The following TMEM45B variants were observed in gnomAD, a reference collection of about 807,000 sequenced individuals.
TMEM45B encodes transmembrane protein 45B.
TMEM45B carries 29 observed loss-of-function variants against 27.3 expected under a neutral mutation model. The ratio of observed to expected loss-of-function variants is 1.06; its 90% CI spans 0.79 to 1.45. TMEM45B has a LOEUF of 1.45. TMEM45B is among the 40% of genes most tolerant of loss of function. TMEM45B has a pLI of 0.00. For synonymous variants in TMEM45B, 143 were observed against 134.7 expected (o/e 1.06, Z -0.43); for missense variants, 348 against 343.9 (o/e 1.01, Z -0.09).
intron 5 of TMEM45B, 97 bp from the exon 6 acceptor site, chr11:129,858,477 A>G (rs2135618471): frequency 1.3e-6 from 1 of 764,554 alleles, no homozygotes; most frequent in Non-Finnish European, 2.1e-6. Flanking sequence ...TAGAAATATA[A>G]AGAAAATAGT....
intron 1 of TMEM45B, among the ~76,000 whole-genome samples, chr11:129,843,863 A>C (rs1044912840): frequency 1.3e-5 from 2 of 152,256 alleles, no homozygotes; most frequent in Non-Finnish European, 2.9e-5. Context: ...GAATTGGTAC[A>C]TCTATTATGG....
At chr11:129,847,577 G>T (rs371874466) in intron 1 of TMEM45B, among the ~76,000 whole-genome samples, 4,037 of 150,594 alleles carry the variant, frequency 0.027, 173 homozygotes, top group African/African-American at 0.093. Flanking sequence ...AGATTAGGGA[G>T]TGGTGATGAC....
At chr11:129,850,165 A>ACGTTGTTGT (rs1947827600) in intron 1 of TMEM45B, among the ~76,000 whole-genome samples, 1 of 138,870 alleles carries the variant, frequency 7.2e-6, no homozygotes, top group Non-Finnish European at 1.6e-5. Context: ...TTTTTTGTTG[A>ACGTTGTTGT]TGTTGTTGTT....
At chr11:129,818,117 T>G (rs1947374159) in intron 1 of TMEM45B, among the ~76,000 whole-genome samples, 1 of 152,234 alleles carries the variant, frequency 6.6e-6, no homozygotes, top group Non-Finnish European at 1.5e-5. Flanking sequence ...ACACTTTCTT[T>G]GAACTCTTAA....
At position 129,849,285 on chromosome 11, in the gene TMEM45B, G is replaced by A. The variant is rs183073390; in HGVS notation, c.-8-3190G>A. 3.3e-3 allele frequency among the ~76,000 whole-genome samples: 504 copies of A among 152,318 alleles called. 5 individuals carry two copies. Among genetic ancestry groups the A allele is most frequent in the African/African-American group, 0.011 (478 of 41,572 alleles). The stretch of plus-strand genomic sequence containing the variant: ...CAAATACAATGGCGTGACAGGCACA[G>A]GACAGATGTTTCTAGTCCAAAAGGG... On this transcript the variant is annotated intron_variant, in intron 1 of 5. Transcript: ENST00000281441.
At position 129,832,022 on chromosome 11, in the gene TMEM45B, C is replaced by T. The variant is rs1651676; in HGVS notation, c.-9+16124C>T. ...TAGAGGTTGCAGTGAGCCGAGACCA[C>T]GCCATTGCACTCCAGCCTGGGCGAC... On this transcript the variant is annotated intron_variant, in intron 1 of 5. Coordinates refer to ENST00000281441, the MANE Select transcript of TMEM45B (RefSeq NM_138788.5). 3.3e-3 allele frequency among the ~76,000 whole-genome samples: 476 copies of T among 143,724 alleles called. 5 individuals are homozygous for T. Among genetic ancestry groups the T allele is most frequent in the African/African-American group, 0.012 (449 of 38,268 alleles). 94.3% of individuals were successfully genotyped at this position (143,724 alleles called of 152,430 possible).
intron 5 of TMEM45B, among the ~76,000 whole-genome samples, 188 bp downstream of exon 5, chr11:129,857,646 G>A (rs762732913): frequency 1.3e-5 from 2 of 152,130 alleles, no homozygotes; most frequent in Non-Finnish European, 2.9e-5. Flanking sequence ...AATGACCTGA[G>A]GGCTTTTCAA....
Position 129,849,726 on chromosome 11 carries a change from G to A in TMEM45B, c.-8-2749G>A, listed in dbSNP as rs116294802. ...CTGCTTGAGCCACAGCTAGGGTGAC[G>A]GAGGAATGCTCTGCTGGAAATGTGG... On this transcript the variant is annotated intron_variant, in intron 1 of 5. Transcript: ENST00000281441. Among the ~76,000 whole-genome samples the A allele has an allele frequency of 1.0e-3, 158 of 152,250 alleles. 1 individual carries two copies. The highest frequency in any genetic ancestry group is 3.4e-3 in the African/African-American group (141 of 41,550).
intron 1 of TMEM45B, among the ~76,000 whole-genome samples, chr11:129,837,609 G>C (rs756536719): frequency 2.2e-5 from 1 of 44,818 alleles, no homozygotes; most frequent in African/African-American, 6.8e-5. Context: ...TTGAGACAGG[G>C]TCTCCTCTGT....
intron 1 of TMEM45B, among the ~76,000 whole-genome samples, chr11:129,847,735 A>AGAG (rs1947782490): frequency 6.6e-6 from 1 of 152,202 alleles, no homozygotes; most frequent in African/African-American, 2.4e-5. Context: ...ATCCCAAGGC[A>AGAG]CAATTTTTCT....
Position 129,855,739 on chromosome 11 carries a change from G to GC in TMEM45B, c.419dup (p.Pro141SerfsTer20). On this transcript the variant is annotated frameshift_variant, in exon 4 of 6. Coordinates refer to ENST00000281441, the MANE Select transcript of TMEM45B (RefSeq NM_138788.5). LOFTEE classifies it high-confidence loss of function. ...TCTTCTACTACCACGTCCACAACCG[G>GC]CCTCCGCTGGACCAGCACATCCACT... 6.2e-7 allele frequency: 1 copy of GC among 1,614,134 alleles called. No individual in the cohort carries two copies. Among genetic ancestry groups the GC allele is most frequent in the South Asian group, 1.1e-5 (1 of 91,082 alleles).
intron 1 of TMEM45B, among the ~76,000 whole-genome samples, chr11:129,830,153 C>G (rs1377706535): frequency 6.6e-6 from 1 of 152,144 alleles, no homozygotes; most frequent in African/African-American, 2.4e-5. Context: ...CATGGTGAAA[C>G]CTTGTCTCTA....
intron 1 of TMEM45B, among the ~76,000 whole-genome samples, chr11:129,839,798 G>T (rs1450893988): frequency 6.6e-6 from 1 of 152,164 alleles, no homozygotes; most frequent in Non-Finnish European, 1.5e-5. Context: ...GGCTTCCAAA[G>T]TGCTGGGATT....
rs1480127892 is a variant in TMEM45B, at chr11:129,839,839, A to G, written c.-8-12636A>G. ...TGTGAGCCACTGCACCTGACCTAAA[A>G]GCACTATCTGATATTTGTTTTCCTA... On this transcript the variant is annotated intron_variant, in intron 1 of 5. Transcript: ENST00000281441. Among the ~76,000 whole-genome samples, 10 of 152,276 alleles carry G rather than the reference A, an allele frequency of 6.6e-5. No homozygotes were observed. In the East Asian group the frequency reaches 1.9e-3, roughly 29 times the overall value.
At chr11:129,831,660 A>T (rs751180047) in intron 1 of TMEM45B, among the ~76,000 whole-genome samples, 7 of 152,236 alleles carry the variant, frequency 4.6e-5, no homozygotes, top group Non-Finnish European at 8.8e-5. Flanking sequence ...TACACACAAA[A>T]ACATGCAATT....
intron 1 of TMEM45B, among the ~76,000 whole-genome samples, chr11:129,830,361 A>C (rs1947533720): frequency 6.6e-6 from 1 of 152,186 alleles, no homozygotes; most frequent in Non-Finnish European, 1.5e-5. Context: ...CAGACACATA[A>C]ATATAAGAGC....
At chr11:129,836,180 T>C (rs1339972797) in intron 1 of TMEM45B, among the ~76,000 whole-genome samples, 1 of 152,140 alleles carries the variant, frequency 6.6e-6, no homozygotes, top group African/African-American at 2.4e-5. Context: ...AGGAGATCCA[T>C]GACCACTTTC....
chr11:129,855,366 A>G (rs1947907368), intron 3 of TMEM45B, among the ~76,000 whole-genome samples: 1 of 151,522 alleles, frequency 6.6e-6, no homozygotes. Context: ...TCATCTAACA[A>G]CCTCACTTCT....
Position 129,815,852 on chromosome 11 carries a change from T to G in TMEM45B, c.-55T>G. ...TGCACCTGCTTCTGGGCGGACGCAC[T>G]TGGCGCGCGGCGCGGGCTGCAGACG... On this transcript the variant is annotated 5_prime_UTR_variant, in exon 1 of 6. Coordinates refer to ENST00000281441, the MANE Select transcript of TMEM45B (RefSeq NM_138788.5). The G allele has an allele frequency of 3.8e-6, 5 of 1,309,632 alleles. No individual in the cohort carries two copies. Among genetic ancestry groups the G allele is most frequent in the Non-Finnish European group, 4.8e-6 (5 of 1,037,494 alleles). The allele number at this position is 1,309,632 out of a possible 1,614,324, so 81.1% of individuals were successfully genotyped here. A position where few individuals can be genotyped will look rare whatever the true frequency, so the allele number is the denominator to read the frequency against.
Sources: allele counts gnomAD v4.1 joint callset (sites outside exome capture counted in the v4.1 genomes callset), GRCh38; gene constraint gnomAD v4.1.1; transcripts MANE v1.5; gene names NCBI Gene and HGNC (gene_info 2026-07-23, HGNC 2026-07-21).